ZER1: variants seen among roughly 807,000 people sequenced by gnomAD.
The protein encoded by ZER1 is protein zer-1 homolog.
ZER1 carries 11 observed loss-of-function variants against 78.8 expected under a neutral mutation model. The ratio of observed to expected loss-of-function variants is 0.14; its 90% confidence interval spans 0.09 to 0.23. The LOEUF is 0.23. Among genes scored for constraint, ZER1 ranks in the 10% least tolerant of loss-of-function variants. The pLI, the probability that ZER1 is intolerant of heterozygous loss-of-function variation, is 1.00. For missense variants in ZER1, 588 were observed against 996.9 expected (o/e 0.59, Z 5.52); for synonymous variants, 400 against 407.0 (o/e 0.98, Z 0.21).
At chr9:128,769,785 ATAACT>A (rs950495526) in intron 1 of ZER1, among the ~76,000 whole-genome samples, 3 of 152,200 alleles carry the variant, frequency 2.0e-5, no homozygotes, top group Admixed American at 6.5e-5. Flanking sequence ...AAGCAGCGGC[ATAACT>A]TAACTTGATT....
In ZER1 at chr9:128,755,763, T is replaced by C. The variant is rs921271118; in HGVS notation, c.-94-104A>G. 2.2e-5 allele frequency: 14 copies of C among 650,694 alleles called. No homozygotes were observed. The highest frequency in any genetic ancestry group is 4.6e-5 in the South Asian group (2 of 43,334). The allele number at this position is 650,694 out of a possible 1,614,324, so 40.3% of individuals were successfully genotyped here. On this transcript the variant is annotated intron_variant, in intron 1 of 15. Coordinates refer to ENST00000291900, the MANE Select transcript of ZER1 (RefSeq NM_006336.4). The surrounding 1 kb of genome is among the most constrained non-coding windows in gnomAD (Gnocchi z 5.6). ...AGGGAAACTGAGACCACACTCCAATTAGCAGCTTAGCAGGGCCAGGCCCAG... is the reference window on the plus strand; with the variant it reads ...AGGGAAACTGAGACCACACTCCAATCAGCAGCTTAGCAGGGCCAGGCCCAG...
chr9:128,762,678 C>T (rs1589545737), intron 1 of ZER1, among the ~76,000 whole-genome samples: 1 of 152,186 alleles, frequency 6.6e-6, no homozygotes, highest in African/African-American at 2.4e-5. Flanking sequence ...CTTCTCCTAC[C>T]TCATCTGCCC....
chr9:128,748,527 T>C (rs560693665), intron 8 of ZER1, among the ~76,000 whole-genome samples: 8 of 152,088 alleles, frequency 5.3e-5, no homozygotes, highest in African/African-American at 1.9e-4. Context: ...GCTGTGATCA[T>C]GCCGCTATAC....
At chr9:128,736,994 A>G (rs1863106205) in intron 13 of ZER1, among the ~76,000 whole-genome samples, 1 of 152,004 alleles carries the variant, frequency 6.6e-6, no homozygotes, top group South Asian at 2.1e-4. Context: ...AGTACAAAAA[A>G]TTAGTTGAGC....
chr9:128,757,870 T>C (rs1863911265), intron 1 of ZER1, among the ~76,000 whole-genome samples: 1 of 152,008 alleles, frequency 6.6e-6, no homozygotes. Context: ...ACTTAGCAAC[T>C]TGACTCCTAG....
At chr9:128,764,303 A>G (rs565607321) in intron 1 of ZER1, among the ~76,000 whole-genome samples, 9 of 152,260 alleles carry the variant, frequency 5.9e-5, no homozygotes, top group African/African-American at 1.9e-4. Context: ...ACACTCTCGC[A>G]TTCTCCCTGC....
At position 128,742,701 on chromosome 9, in the gene ZER1, G is replaced by A. The variant is rs149251289; in HGVS notation, c.1404C>T (p.Pro468=). Reference sequence around the variant, plus strand: ...GGCGGTACTGGAATTCCAGCTCCTCGGGGATGCTGAAGTTGCAGAGCGTCA... The same window carrying A: ...GGCGGTACTGGAATTCCAGCTCCTCAGGGATGCTGAAGTTGCAGAGCGTCA... ...CCLTLCNFSI[P]EELEFQYRRV... The change falls in exon 9 of 16, where the codon CCC becomes CCT. Residue 468 remains proline, a synonymous_variant. Transcript: ENST00000291900. 7.4e-6 allele frequency: 12 copies of A among 1,613,776 alleles called. No individual in the cohort carries two copies. The highest frequency in any genetic ancestry group is 2.2e-5 in the East Asian group (1 of 44,854).
At chr9:128,738,342 C>T (rs1172484203) in intron 13 of ZER1, among the ~76,000 whole-genome samples, 1 of 142,990 alleles carries the variant, frequency 7.0e-6, no homozygotes, top group Admixed American at 7.3e-5. Flanking sequence ...CTGTGCCCGG[C>T]CCTGTTTTGT....
Position 128,751,225 on chromosome 9 carries a change from T to G in ZER1, c.1082A>C (p.Glu361Ala). 1.2e-6 allele frequency: 2 copies of G among 1,604,768 alleles called. No individual in the cohort carries two copies. Among genetic ancestry groups the G allele is most frequent in the Non-Finnish European group, 1.7e-6 (2 of 1,172,252 alleles). ...KNEEQVLNAI[E>A]AYTEHRPEIT... is the part of the protein sequence containing the mutation. ...CTCAGGCCGGTGCTCCGTGTAGGCC[T>G]CGATGGCATTCAGCACCTGCTCTTC... is the stretch of plus-strand genomic sequence containing the variant. The change falls in exon 7 of 16, where the codon GAG (glutamate) becomes GCG (alanine). Residue 361 changes from glutamate to alanine, a missense_variant. Coordinates refer to ENST00000291900, the MANE Select transcript of ZER1 (RefSeq NM_006336.4). The surrounding 1 kb of genome is among the most constrained non-coding windows in gnomAD (Gnocchi z 5.4).
intron 8 of ZER1, among the ~76,000 whole-genome samples, chr9:128,744,857 T>C (rs1863432522): frequency 6.6e-6 from 1 of 152,224 alleles, no homozygotes. Flanking sequence ...GCATTCATTT[T>C]TCATTACAGT....
rs1409278430 is a variant in ZER1 at position 128,755,346 on chromosome 9, C to A, written c.158+62G>T. 28 of 1,596,134 alleles carry A rather than the reference C, an allele frequency of 1.8e-5. No individual in the cohort carries two copies. Among genetic ancestry groups the A allele is most frequent in the African/African-American group, 2.7e-5 (2 of 74,646 alleles). On this transcript the variant is annotated intron_variant, in intron 2 of 15. Transcript: ENST00000291900. This position sits in a 1 kb window ranked among gnomAD's most constrained non-coding sequence, Gnocchi z 5.6. ...TCCCCACATAGTGCACACACGGTCC[C>A]AATCTCTCTATACACATTCATGGTA...
At chr9:128,734,944 T>C (rs1863012328) in intron 14 of ZER1, among the ~76,000 whole-genome samples, 1 of 152,058 alleles carries the variant, frequency 6.6e-6, no homozygotes, top group Non-Finnish European at 1.5e-5. Context: ...CAATGGCTAT[T>C]CACAGGCATG....
At chr9:128,770,144 CAG>C (rs1420777147) in intron 1 of ZER1, among the ~76,000 whole-genome samples, 2 of 151,988 alleles carry the variant, frequency 1.3e-5, no homozygotes, top group South Asian at 2.1e-4. Flanking sequence ...TTTTTTGAGA[CAG>C]AGTCTCACTC....
rs946881140 is a variant in ZER1 at position 128,739,938 on chromosome 9, T to G, written c.2035A>C (p.Asn679His). 1 of 1,606,822 alleles carries G rather than the reference T, an allele frequency of 6.2e-7. No individual in the cohort carries two copies. Among genetic ancestry groups the G allele is most frequent in the Non-Finnish European group, 8.5e-7 (1 of 1,173,926 alleles). ...TCCCTGCCCTGCCCACACCTGTAATTGATGTTTCTCCGAGAGTTTATGTCC... is the reference window on the plus strand; with the variant it reads ...TCCCTGCCCTGCCCACACCTGTAATGGATGTTTCTCCGAGAGTTTATGTCC... ...SWDINSRRNI[N>H]YRSFEPILRL... The change falls in exon 13 of 16, where the codon AAT (asparagine) becomes CAT (histidine). Residue 679 changes from asparagine to histidine, a missense_variant. Physicochemically the swap from Asn to His is moderately conservative, Grantham distance 68. This residue lies in a region of ZER1 where 122 missense variants were observed against 173.5 expected (regional missense o/e 0.70). Transcript: ENST00000291900.
At chr9:128,764,970 G>A (rs1864160680) in intron 1 of ZER1, among the ~76,000 whole-genome samples, 2 of 152,194 alleles carry the variant, frequency 1.3e-5, no homozygotes, top group African/African-American at 4.8e-5. Flanking sequence ...AGCAGCAGCA[G>A]CAGCAGAAGG....
At chr9:128,761,750 G>A (rs1450429062) in intron 1 of ZER1, among the ~76,000 whole-genome samples, 2 of 151,484 alleles carry the variant, frequency 1.3e-5, no homozygotes, top group East Asian at 1.9e-4. Context: ...GACTACAGGC[G>A]CCTGCGACCA....
chr9:128,755,092 C>T lies in ZER1; in HGVS notation c.158+316G>A, dbSNP rs1441273789. On this transcript the variant is annotated intron_variant, in intron 2 of 15. Transcript: ENST00000291900. This position sits in a 1 kb window ranked among gnomAD's most constrained non-coding sequence, Gnocchi z 5.6. The stretch of plus-strand genomic sequence containing the variant: ...CTTCATTTATATGCAGATTTTGACA[C>T]AATCACATCTCTAAATGCACACATG... 1.3e-5 allele frequency among the ~76,000 whole-genome samples: 2 copies of T among 152,192 alleles called. No homozygotes were observed. The highest frequency in any genetic ancestry group is 2.1e-4 in the South Asian group (1 of 4,834).
At position 128,753,500 on chromosome 9, in the gene ZER1, A is replaced by G; in HGVS notation, c.410T>C (p.Phe137Ser). ...CTCATAGAAAATGTTTGTACAGCCGAAGAGGCTCAAGGACACCAGGGTGTG... is the reference window on the plus strand; with the variant it reads ...CTCATAGAAAATGTTTGTACAGCCGGAGAGGCTCAAGGACACCAGGGTGTG... ...FSHTLVSLSL[F>S]GCTNIFYEEE... The change falls in exon 4 of 16, where the codon TTC becomes TCC. Residue 137 changes from phenylalanine to serine, a missense_variant. This residue lies in a region of ZER1 where 406 missense variants were observed against 660.1 expected (regional missense o/e 0.62). Coordinates refer to ENST00000291900, the MANE Select transcript of ZER1 (RefSeq NM_006336.4). This position sits in a 1 kb window ranked among gnomAD's most constrained non-coding sequence, Gnocchi z 7.5. 1 of 1,614,116 alleles carries G rather than the reference A, an allele frequency of 6.2e-7. No individual in the cohort carries two copies. Among genetic ancestry groups the G allele is most frequent in the Non-Finnish European group, 8.5e-7 (1 of 1,180,018 alleles).
intron 1 of ZER1, among the ~76,000 whole-genome samples, chr9:128,763,941 C>T (rs1864126895): frequency 6.6e-6 from 1 of 151,366 alleles, no homozygotes; most frequent in Non-Finnish European, 1.5e-5. Context: ...GAGCCAAGAT[C>T]ACACCATTGC....
Sources: gnomAD v4.1 joint callset for allele counts (sites outside exome capture counted in the v4.1 genomes callset) on GRCh38, gnomAD v4.1.1 for gene constraint, gnomAD v4.1.1 regional missense constraint, Gnocchi (gnomAD v3.1) non-coding constraint, MANE v1.5 for transcripts, NCBI Gene and HGNC (gene_info 2026-07-23, HGNC 2026-07-21) for gene names.